Variants in ANKS1B observed in about 807,000 individuals in gnomAD.
ANKS1B encodes ankyrin repeat and sterile alpha motif domain-containing protein 1B.
A neutral mutation model predicts 148.3 loss-of-function variants in ANKS1B; 36 were observed. The ratio of observed to expected loss-of-function variants is 0.24; its 90% confidence interval spans 0.19 to 0.32. The LOEUF is 0.32. Among genes scored for constraint, ANKS1B ranks in the 10% least tolerant of loss-of-function variants. The probability of loss-of-function intolerance (pLI) is 1.00; values close to 1 mark genes in which losing one functional copy is unlikely to be tolerated. For missense variants in ANKS1B, 1,157 were observed against 1,542.6 expected (o/e 0.75, Z 4.19); for synonymous variants, 542 against 560.8 (o/e 0.97, Z 0.47).
rs545887017 is a variant in ANKS1B at position 99,602,203 on chromosome 12, C to T, written c.1272+52864G>A. On this transcript the variant is annotated intron_variant, in intron 9 of 26. Coordinates refer to ENST00000683438, the MANE Select transcript of ANKS1B (RefSeq NM_001352186.2). Reference sequence around the variant, plus strand: ...CCATTTTCTGAGCCCAACATTCCCCCATCTGAAACTTCCCCAGAAAGTTTA... The same window carrying T: ...CCATTTTCTGAGCCCAACATTCCCCTATCTGAAACTTCCCCAGAAAGTTTA... Among the ~76,000 whole-genome samples the T allele has an allele frequency of 2.4e-4, 36 of 152,128 alleles. 1 individual carries two copies. Among genetic ancestry groups the T allele is most frequent in the African/African-American group, 8.4e-4 (35 of 41,526 alleles).
intron 9 of ANKS1B, among the ~76,000 whole-genome samples, chr12:99,620,594 A>G (rs1156675574): frequency 1.3e-5 from 2 of 152,200 alleles, no homozygotes; most frequent in African/African-American, 4.8e-5. Flanking sequence ...TACTTTCAAG[A>G]GAAAATTTCA....
chr12:99,224,386 T>A (rs1352362846), intron 14 of ANKS1B, among the ~76,000 whole-genome samples: 1 of 152,176 alleles, frequency 6.6e-6, no homozygotes, highest in African/African-American at 2.4e-5. Context: ...GGGAGGTGAC[T>A]GGATCATGGG....
chr12:99,668,780 A>T (rs1193593661), intron 8 of ANKS1B, among the ~76,000 whole-genome samples: 1 of 151,626 alleles, frequency 6.6e-6, no homozygotes, highest in Non-Finnish European at 1.5e-5. Flanking sequence ...CCAATTACAC[A>T]TATGTTTCAT....
chr12:99,432,743 T>C (rs536756024), intron 11 of ANKS1B, among the ~76,000 whole-genome samples: 13 of 152,266 alleles, frequency 8.5e-5, no homozygotes, highest in Non-Finnish European at 1.8e-4. Context: ...TAATTAGCAG[T>C]GTTAAGTCTC....
intron 10 of ANKS1B, among the ~76,000 whole-genome samples, chr12:99,448,443 G>A (rs933714802): frequency 1.3e-5 from 2 of 152,110 alleles, no homozygotes; most frequent in African/African-American, 4.8e-5. Flanking sequence ...AGGGACTGGG[G>A]AGATGTTGGT....
chr12:98,999,639 A>G (rs1018185561), intron 17 of ANKS1B, among the ~76,000 whole-genome samples: 6 of 152,204 alleles, frequency 3.9e-5, no homozygotes, highest in Admixed American at 1.3e-4. Context: ...GTCAGGATCT[A>G]AGGGGAATGG....
intron 15 of ANKS1B, among the ~76,000 whole-genome samples, chr12:99,116,197 C>T (rs2061385460): frequency 6.6e-6 from 1 of 152,132 alleles, no homozygotes; most frequent in Admixed American, 6.5e-5. Context: ...AAAGACACAA[C>T]CTAAGAACTT....
intron 12 of ANKS1B, among the ~76,000 whole-genome samples, chr12:99,378,727 A>G (rs1765441143): frequency 6.6e-6 from 1 of 152,054 alleles, no homozygotes; most frequent in Non-Finnish European, 1.5e-5. Flanking sequence ...TCTGAATTCT[A>G]GAACTGCTAT....
chr12:98,875,174 G>A (rs1210247012), intron 17 of ANKS1B, among the ~76,000 whole-genome samples: 1 of 152,016 alleles, frequency 6.6e-6, no homozygotes, highest in Non-Finnish European at 1.5e-5. Context: ...CTCTCTTTGG[G>A]ACCTATCCTT....
intron 9 of ANKS1B, among the ~76,000 whole-genome samples, chr12:99,587,964 G>C (rs1458882776): frequency 1.3e-5 from 2 of 152,078 alleles, no homozygotes; most frequent in African/African-American, 2.4e-5. Context: ...GGAGAAACAG[G>C]GGTGGTTAGA....
At chr12:99,829,630 G>A (rs1044258388) in intron 1 of ANKS1B, among the ~76,000 whole-genome samples, 5 of 152,054 alleles carry the variant, frequency 3.3e-5, no homozygotes, top group African/African-American at 1.2e-4. Context: ...CAGACTGGGC[G>A]AGAGCGAGAC....
intron 17 of ANKS1B, among the ~76,000 whole-genome samples, chr12:98,877,125 C>T (rs369658922): frequency 1.3e-4 from 20 of 152,244 alleles, no homozygotes; most frequent in African/African-American, 4.1e-4. Flanking sequence ...TGTAGTTAAG[C>T]GATAGGCACC....
chr12:99,529,428 C>T (rs750732564), intron 9 of ANKS1B, among the ~76,000 whole-genome samples: 5 of 151,974 alleles, frequency 3.3e-5, no homozygotes, highest in Non-Finnish European at 5.9e-5. Flanking sequence ...TGAGATGGGC[C>T]GATCAGCTGA....
At chr12:99,484,274 G>T (rs1001501770) in intron 10 of ANKS1B, among the ~76,000 whole-genome samples, 1 of 151,916 alleles carries the variant, frequency 6.6e-6, no homozygotes, top group Non-Finnish European at 1.5e-5. Flanking sequence ...TGAGGAGCAG[G>T]TTATTTAATT....
chr12:99,745,954 C>T (rs2153587279), intron 8 of ANKS1B, among the ~76,000 whole-genome samples: 1 of 151,926 alleles, frequency 6.6e-6, no homozygotes, highest in Non-Finnish European at 1.5e-5. Context: ...ACAGAAAGAA[C>T]CACATTAATA....
intron 22 of ANKS1B, among the ~76,000 whole-genome samples, chr12:98,787,717 C>T (rs188531427): frequency 5.3e-5 from 8 of 151,798 alleles, no homozygotes; most frequent in Admixed American, 2.6e-4. Context: ...CTCAGGAGTT[C>T]GAGACCAGCC....
At chr12:99,551,637 G>C (rs1295258201) in intron 9 of ANKS1B, among the ~76,000 whole-genome samples, 1 of 152,028 alleles carries the variant, frequency 6.6e-6, no homozygotes. Flanking sequence ...CTTCAGAAAA[G>C]AGATGACATT....
At chr12:99,215,635 T>G (rs1191081505) in intron 14 of ANKS1B, among the ~76,000 whole-genome samples, 1 of 152,178 alleles carries the variant, frequency 6.6e-6, no homozygotes, top group East Asian at 1.9e-4. Context: ...AACTTTAAGG[T>G]TTAATGACCG....
At chr12:98,903,963 A>G (rs1435624000) in intron 17 of ANKS1B, among the ~76,000 whole-genome samples, 1 of 152,034 alleles carries the variant, frequency 6.6e-6, no homozygotes, top group Admixed American at 6.6e-5. Flanking sequence ...TGTAATTACC[A>G]CTTATTTTGT....
Sources: allele counts gnomAD v4.1 joint callset (sites outside exome capture counted in the v4.1 genomes callset), GRCh38; gene constraint gnomAD v4.1.1; transcripts MANE v1.5; gene names NCBI Gene and HGNC (gene_info 2026-07-23, HGNC 2026-07-21).